The following CPNE8 variants were observed in gnomAD, a reference collection of about 807,000 sequenced individuals.
CPNE8 encodes copine-8.
A neutral mutation model predicts 81.5 loss-of-function variants in CPNE8; 45 were observed. That is an observed-to-expected ratio of 0.55 (90% CI 0.44 to 0.71). The LOEUF (loss-of-function observed/expected upper bound fraction) is 0.71. Ranked by LOEUF, CPNE8 falls within the 30% of genes least tolerant of loss-of-function variation. CPNE8 has a pLI of 0.00. For missense variants in CPNE8, 594 were observed against 672.1 expected (o/e 0.88, Z 1.28); for synonymous variants, 252 against 226.3 (o/e 1.11, Z -1.02).
intron 1 of CPNE8, among the ~76,000 whole-genome samples, chr12:38,878,599 T>C (rs892575015): frequency 1.3e-5 from 2 of 152,192 alleles, no homozygotes; most frequent in Non-Finnish European, 2.9e-5. Flanking sequence ...TCCCATATAG[T>C]AGTTACTGAG....
At chr12:38,764,971 C>A (rs1941657706) in intron 8 of CPNE8, among the ~76,000 whole-genome samples, 1 of 152,176 alleles carries the variant, frequency 6.6e-6, no homozygotes, top group Admixed American at 6.5e-5. Context: ...TTTTTGGCCT[C>A]TTTGCTTATG....
At chr12:38,668,798 C>T (rs1227723094) in intron 19 of CPNE8, among the ~76,000 whole-genome samples, 1 of 151,818 alleles carries the variant, frequency 6.6e-6, no homozygotes, top group Non-Finnish European at 1.5e-5. Flanking sequence ...GCCTATAATC[C>T]CAGCACATTG....
At chr12:38,709,610 T>C (rs1356378370) in intron 13 of CPNE8, among the ~76,000 whole-genome samples, 1 of 152,202 alleles carries the variant, frequency 6.6e-6, no homozygotes, top group Non-Finnish European at 1.5e-5. Context: ...ATTAAGTAGA[T>C]GACTCATTAT....
intron 1 of CPNE8, among the ~76,000 whole-genome samples, chr12:38,876,901 G>A (rs1565658734): frequency 6.6e-6 from 1 of 152,168 alleles, no homozygotes; most frequent in Non-Finnish European, 1.5e-5. Context: ...TTTATTTTAG[G>A]AATAAGAATT....
At chr12:38,806,832 A>G (rs892203507) in intron 6 of CPNE8, among the ~76,000 whole-genome samples, 4 of 149,934 alleles carry the variant, frequency 2.7e-5, no homozygotes, top group African/African-American at 9.7e-5. Flanking sequence ...TGCAGATGAC[A>G]TGCTGGTATA....
At chr12:38,797,863 T>A (rs966937396) in intron 6 of CPNE8, among the ~76,000 whole-genome samples, 1 of 152,152 alleles carries the variant, frequency 6.6e-6, no homozygotes, top group Non-Finnish European at 1.5e-5. Context: ...AAGGAGCTGA[T>A]GGAGCTGAAA....
intron 6 of CPNE8, among the ~76,000 whole-genome samples, chr12:38,787,017 G>T (rs1050366386): frequency 1.3e-5 from 2 of 152,078 alleles, no homozygotes; most frequent in Non-Finnish European, 2.9e-5. Flanking sequence ...CTGAAGACTT[G>T]AACATCCCAT....
rs111782717 is a variant in CPNE8 at position 38,771,475 on chromosome 12, A to T, written c.472-3737T>A. The stretch of plus-strand genomic sequence containing the variant: ...AGTGAGACCCCGTATTTAAAAAAAA[A>T]ATACTGATTGAAGATACACTCCCAA... On this transcript the variant is annotated intron_variant, in intron 7 of 19. Coordinates refer to ENST00000331366, the MANE Select transcript of CPNE8 (RefSeq NM_153634.3). Among the ~76,000 whole-genome samples, 768 of 152,200 alleles carry T rather than the reference A, an allele frequency of 5.0e-3. 12 individuals are homozygous for T. The highest frequency in any genetic ancestry group is 0.018 in the African/African-American group (728 of 41,524).
intron 6 of CPNE8, among the ~76,000 whole-genome samples, chr12:38,806,087 G>C (rs1942794763): frequency 6.7e-6 from 1 of 150,198 alleles, no homozygotes; most frequent in African/African-American, 2.4e-5. Context: ...CCAATAACAG[G>C]CTCTGAAATT....
At chr12:38,796,860 G>C (rs565313291) in intron 6 of CPNE8, among the ~76,000 whole-genome samples, 47 of 152,046 alleles carry the variant, frequency 3.1e-4, no homozygotes, top group Admixed American at 5.2e-4. Context: ...GCGCTTTTCC[G>C]ACGGGCTTAA....
intron 10 of CPNE8, among the ~76,000 whole-genome samples, chr12:38,740,560 T>A (rs1941074300): frequency 6.6e-6 from 1 of 152,226 alleles, no homozygotes; most frequent in Non-Finnish European, 1.5e-5. Flanking sequence ...TATTTTGAGA[T>A]ACGTCCCATC....
At chr12:38,887,781 A>T (rs1238431570) in intron 1 of CPNE8, among the ~76,000 whole-genome samples, 2 of 152,138 alleles carry the variant, frequency 1.3e-5, no homozygotes, top group African/African-American at 4.8e-5. Context: ...TTAAATCCAG[A>T]TCTTTCTGGC....
At chr12:38,660,516 A>T (rs1049825748) in intron 19 of CPNE8, among the ~76,000 whole-genome samples, 1 of 152,212 alleles carries the variant, frequency 6.6e-6, no homozygotes, top group African/African-American at 2.4e-5. Flanking sequence ...AAATCCCTAG[A>T]AGAAAACCTA....
intron 1 of CPNE8, among the ~76,000 whole-genome samples, chr12:38,894,102 A>G (rs906026409): frequency 2.6e-5 from 4 of 152,138 alleles, no homozygotes; most frequent in Non-Finnish European, 4.4e-5. Context: ...CAACCTTTCT[A>G]TAGGATCTAA....
At chr12:38,790,947 T>G (rs1942308515) in intron 6 of CPNE8, among the ~76,000 whole-genome samples, 1 of 151,706 alleles carries the variant, frequency 6.6e-6, no homozygotes, top group African/African-American at 2.4e-5. Flanking sequence ...CTGCTTTAGC[T>G]TGTACCTTTA....
intron 1 of CPNE8, among the ~76,000 whole-genome samples, chr12:38,898,213 C>G (rs77087218): frequency 0.044 from 6,632 of 152,182 alleles, 171 homozygotes; most frequent in East Asian, 0.12. Flanking sequence ...TCTCCACATA[C>G]CAGGGCTGTT....
At chr12:38,762,257 A>G (rs1941589080) in intron 8 of CPNE8, 41 bp from the exon 9 acceptor site, 1 of 1,166,922 alleles carries the variant, frequency 8.6e-7, no homozygotes, top group East Asian at 2.4e-5. Context: ...TGCTTTGACT[A>G]TTTTAATTGA....
intron 19 of CPNE8, among the ~76,000 whole-genome samples, chr12:38,667,695 G>T (rs1939088311): frequency 6.6e-6 from 1 of 152,144 alleles, no homozygotes; most frequent in African/African-American, 2.4e-5. Flanking sequence ...TTACATGGCA[G>T]AATCCCTTGA....
intron 13 of CPNE8, among the ~76,000 whole-genome samples, chr12:38,703,719 G>C (rs1940012316): frequency 6.6e-6 from 1 of 152,010 alleles, no homozygotes; most frequent in African/African-American, 2.4e-5. Context: ...ACACTAAAAG[G>C]CTCCTGGAAC....
Sources: allele counts gnomAD v4.1 joint callset (sites outside exome capture counted in the v4.1 genomes callset), GRCh38; gene constraint gnomAD v4.1.1; transcripts MANE v1.5; gene names NCBI Gene and HGNC (gene_info 2026-07-23, HGNC 2026-07-21).